Variants in RPS6KC1 observed in about 807,000 individuals in gnomAD.
RPS6KC1 encodes ribosomal protein S6 kinase C1.
RPS6KC1 carries 54 observed loss-of-function variants against 103.8 expected under a neutral mutation model. The observed-to-expected ratio is 0.52, with a 90% CI of 0.42 to 0.65. RPS6KC1 has a LOEUF of 0.65. Among genes scored for constraint, RPS6KC1 ranks in the 30% least tolerant of loss-of-function variants. The pLI is 0.00. For synonymous variants in RPS6KC1, 439 were observed against 438.7 expected (o/e 1.00, Z -0.01); for missense variants, 1,151 against 1,253.8 (o/e 0.92, Z 1.24).
chr1:213,712,694 AG>A, the RPS6KC1 span, among the ~76,000 whole-genome samples: 1 of 152,188 alleles, frequency 6.6e-6, no homozygotes, highest in Non-Finnish European at 1.5e-5. Flanking sequence ...CTGTGGGAAA[AG>A]CATAGTATCT....
the RPS6KC1 span, chr1:213,794,648 G>C: frequency 1.3e-5 from 2 of 152,206 alleles, no homozygotes; most frequent in Non-Finnish European, 2.9e-5. Flanking sequence ...AGAAAGATCT[G>C]TTAGTAAAAA....
At chr1:213,223,444 C>G (rs1052787880) in intron 8 of RPS6KC1, among the ~76,000 whole-genome samples, 7 of 152,106 alleles carry the variant, frequency 4.6e-5, no homozygotes, top group Admixed American at 1.3e-4. Context: ...CTCCCACTTA[C>G]GAGAACACAT....
the RPS6KC1 span, among the ~76,000 whole-genome samples, chr1:213,610,729 A>G: frequency 7.9e-5 from 12 of 152,332 alleles, no homozygotes; most frequent in South Asian, 1.5e-3. Flanking sequence ...AAAACAATAC[A>G]TTACATATGT....
chr1:213,540,135 G>A, the RPS6KC1 span, among the ~76,000 whole-genome samples: 1 of 151,984 alleles, frequency 6.6e-6, no homozygotes, highest in African/African-American at 2.4e-5. Context: ...TTTGTGAGAT[G>A]GGGTTCTTGC....
chr1:213,252,241 CA>C (rs1271211789), intron 12 of RPS6KC1, among the ~76,000 whole-genome samples: 2 of 152,192 alleles, frequency 1.3e-5, no homozygotes, highest in African/African-American at 4.8e-5. Flanking sequence ...ACAGATGCTG[CA>C]GGGAAAGATT....
rs1029786738 is a variant in RPS6KC1 at position 213,051,326 on chromosome 1, G to T, written c.-79G>T. ...CCCCTCGCCGCTTCGCCGCTGCGTTGGGGAACCTGGACCGCGGCGGCGCCG... is the reference window on the plus strand; with the variant it reads ...CCCCTCGCCGCTTCGCCGCTGCGTTTGGGAACCTGGACCGCGGCGGCGCCG... On this transcript the variant is annotated 5_prime_UTR_variant, in exon 1 of 15. Coordinates refer to ENST00000366960, the MANE Select transcript of RPS6KC1 (RefSeq NM_012424.6). 4 of 1,112,964 alleles carry T rather than the reference G, an allele frequency of 3.6e-6. No homozygotes were observed. The highest frequency in any genetic ancestry group is 5.4e-6 in the Non-Finnish European group (4 of 743,650). 68.9% of individuals were successfully genotyped at this position (1,112,964 alleles called of 1,614,324 possible). A position where few individuals can be genotyped will look rare whatever the true frequency, so the allele number is the denominator to read the frequency against.
chr1:213,054,589 T>G (rs953537355), intron 1 of RPS6KC1, among the ~76,000 whole-genome samples: 7 of 152,220 alleles, frequency 4.6e-5, no homozygotes, highest in African/African-American at 1.7e-4. Context: ...ATTTTCTATA[T>G]TTTTGATCCT....
At chr1:213,817,118 A>G in the RPS6KC1 span, among the ~76,000 whole-genome samples, 2 of 152,066 alleles carry the variant, frequency 1.3e-5, no homozygotes, top group East Asian at 1.9e-4. Flanking sequence ...CCCCCAAGAG[A>G]CTCAGTGTGA....
the RPS6KC1 span, among the ~76,000 whole-genome samples, chr1:213,328,701 G>A: frequency 1.3e-5 from 2 of 151,524 alleles, no homozygotes; most frequent in Non-Finnish European, 2.9e-5. Flanking sequence ...CTAGACAGTG[G>A]GGGTTAGATG....
intron 8 of RPS6KC1, among the ~76,000 whole-genome samples, chr1:213,195,165 G>A (rs2092897606): frequency 6.6e-6 from 1 of 152,204 alleles, no homozygotes; most frequent in African/African-American, 2.4e-5. Flanking sequence ...TTTAACAGGA[G>A]AATCACAGAG....
chr1:213,569,958 C>T, the RPS6KC1 span, among the ~76,000 whole-genome samples: 38 of 152,182 alleles, frequency 2.5e-4, no homozygotes, highest in African/African-American at 8.4e-4. Flanking sequence ...GCTCTTTGAT[C>T]GATAAATGTA....
chr1:213,739,362 C>G, the RPS6KC1 span, among the ~76,000 whole-genome samples: 768 of 152,230 alleles, frequency 5.0e-3, 6 homozygotes, highest in African/African-American at 0.018. Context: ...TTCTGGTCAA[C>G]AGTAGGCTAT....
chr1:213,099,177 T>C (rs1395736072), intron 3 of RPS6KC1, among the ~76,000 whole-genome samples: 2 of 152,238 alleles, frequency 1.3e-5, no homozygotes, highest in Non-Finnish European at 2.9e-5. Flanking sequence ...TGCTACTTTT[T>C]TGAAAATTTT....
chr1:213,265,190 G>C (rs1226526315), intron 14 of RPS6KC1, among the ~76,000 whole-genome samples: 1 of 152,190 alleles, frequency 6.6e-6, no homozygotes, highest in African/African-American at 2.4e-5. Flanking sequence ...TTAAGCAGTA[G>C]AATCTTTGTG....
chr1:213,195,154 A>G (rs2092896934), intron 8 of RPS6KC1, among the ~76,000 whole-genome samples: 1 of 152,180 alleles, frequency 6.6e-6, no homozygotes, highest in South Asian at 2.1e-4. Context: ...AAACACATTT[A>G]TTTAACAGGA....
At chr1:213,550,354 T>C in the RPS6KC1 span, among the ~76,000 whole-genome samples, 1 of 152,228 alleles carries the variant, frequency 6.6e-6, no homozygotes, top group African/African-American at 2.4e-5. Context: ...AGGCTTTCTT[T>C]TCCCTGTTGG....
chr1:213,182,210 G>C (rs2092304962), intron 8 of RPS6KC1, among the ~76,000 whole-genome samples: 1 of 152,166 alleles, frequency 6.6e-6, no homozygotes, highest in African/African-American at 2.4e-5. Flanking sequence ...ATGCTATATA[G>C]GTTGGGTGCA....
At chr1:213,202,172 T>C (rs1390782379) in intron 8 of RPS6KC1, among the ~76,000 whole-genome samples, 1 of 152,222 alleles carries the variant, frequency 6.6e-6, no homozygotes, top group Non-Finnish European at 1.5e-5. Context: ...TCTTTATCAT[T>C]ATTCAGAACT....
chr1:213,629,368 G>C, the RPS6KC1 span, among the ~76,000 whole-genome samples: 1 of 151,622 alleles, frequency 6.6e-6, no homozygotes, highest in African/African-American at 2.4e-5. Context: ...GATCTTTGTT[G>C]GTTTAAAGTC....
Sources: gnomAD v4.1 joint callset for allele counts (sites outside exome capture counted in the v4.1 genomes callset) on GRCh38, gnomAD v4.1.1 for gene constraint, MANE v1.5 for transcripts, NCBI Gene and HGNC (gene_info 2026-07-23, HGNC 2026-07-21) for gene names.